PLA2G5: variants seen among roughly 807,000 people sequenced by gnomAD.
The protein encoded by PLA2G5 is phospholipase A2 group V.
PLA2G5 carries 12 observed loss-of-function variants against 15.9 expected under a neutral mutation model. That is an observed-to-expected ratio of 0.76 (90% CI 0.48 to 1.23). The LOEUF is 1.23. Ranked by LOEUF, PLA2G5 falls within the 50% of genes most tolerant of loss-of-function variation. PLA2G5 has a pLI of 0.00. For synonymous variants in PLA2G5, 71 were observed against 71.4 expected, an observed-to-expected ratio of 0.99 and a Z score of 0.03; for missense variants, 169 against 177.1, an observed-to-expected ratio of 0.95 and a Z score of 0.26.
chr1:20,084,409 AT>A (rs1224540653), intron 1 of PLA2G5, among the ~76,000 whole-genome samples: 1 of 152,016 alleles, frequency 6.6e-6, no homozygotes, highest in Non-Finnish European at 1.5e-5. Context: ...CTGTCCAGGA[AT>A]TTTTTTCTTC....
At chr1:20,054,635 C>T (rs2014346854) in intron 1 of PLA2G5, among the ~76,000 whole-genome samples, 1 of 151,840 alleles carries the variant, frequency 6.6e-6, no homozygotes, top group African/African-American at 2.4e-5. Context: ...GGGGTCTAAG[C>T]CCCTCTTTCA....
intron 2 of PLA2G5, 86 bp downstream of exon 2, chr1:20,084,956 G>A (rs1157557084): frequency 1.2e-5 from 11 of 933,704 alleles, no homozygotes; most frequent in East Asian, 4.8e-5. Context: ...CATTGAGGTC[G>A]TAGAGACTTG....
At chr1:20,079,231 C>T (rs766487467) in intron 1 of PLA2G5, among the ~76,000 whole-genome samples, 6 of 151,996 alleles carry the variant, frequency 3.9e-5, no homozygotes, top group Non-Finnish European at 7.4e-5. Context: ...TACTTATGTC[C>T]TGTGAGAACA....
At chr1:20,045,847 G>A (rs1347421884) in intron 1 of PLA2G5, among the ~76,000 whole-genome samples, 1 of 152,170 alleles carries the variant, frequency 6.6e-6, no homozygotes, top group Non-Finnish European at 1.5e-5. Context: ...CTCACACAAA[G>A]CCTGTCTGAT....
chr1:20,076,201 T>C (rs1406788976), intron 1 of PLA2G5, among the ~76,000 whole-genome samples: 1 of 152,172 alleles, frequency 6.6e-6, no homozygotes, highest in Non-Finnish European at 1.5e-5. Context: ...TAGGATCTCT[T>C]AGCATTTATA....
intron 1 of PLA2G5, chr1:20,071,009 C>T (rs926402667): frequency 3.9e-5 from 6 of 152,362 alleles, no homozygotes; most frequent in Admixed American, 6.5e-5. Flanking sequence ...CTCTCTCTCT[C>T]GCTTCCCTCT....
In PLA2G5 at chr1:20,041,463, C is replaced by T. The variant is rs12024133; in HGVS notation, n.276+12754C>T. On this transcript the variant is annotated intron_variant and non_coding_transcript_variant, in intron 1 of 6. Coordinates refer to the PLA2G5 transcript ENST00000460175. ...TATTTTAAGTATTTTAGTTTCCTGA[C>T]TGTGGGCATGTGAGTAAAGTCAATT... is the stretch of plus-strand genomic sequence containing the variant. Among the ~76,000 whole-genome samples the T allele has an allele frequency of 0.021, 3,188 of 152,242 alleles. 259 individuals are homozygous for T. The East Asian group carries it at 0.25, about 12-fold the overall frequency.
intron 3 of PLA2G5, 63 bp downstream of exon 3, chr1:20,086,290 A>G (rs922909234): frequency 5.9e-5 from 90 of 1,523,602 alleles, no homozygotes; most frequent in Non-Finnish European, 7.6e-5. Flanking sequence ...TTCTTATTCA[A>G]TTCCATATCA....
At chr1:20,069,221 G>T (rs573132663), upstream of PLA2G5, among the ~76,000 whole-genome samples, 1 of 152,284 alleles carries the variant, frequency 6.6e-6, no homozygotes, top group South Asian at 2.1e-4. Context: ...GACTGGTAAC[G>T]TTGAAAATGT....
rs745908530 is a variant in PLA2G5, at chr1:20,090,664, A to T, written c.389A>T (p.Gln130Leu). 31 of 1,613,898 alleles carry T rather than the reference A, an allele frequency of 1.9e-5. No homozygotes were observed. Among genetic ancestry groups the T allele is most frequent in the Non-Finnish European group, 2.4e-5 (28 of 1,179,948 alleles). ...RNLRSYNPQYQYFPNILCS is the reference protein window; with the variant it reads ...RNLRSYNPQYLYFPNILCS The stretch of plus-strand genomic sequence containing the variant: ...CTACGGAGCTACAACCCACAGTACC[A>T]ATACTTTCCCAACATCCTCTGCTCC... The change falls in exon 5 of 5, where the codon CAA (glutamine) becomes CTA (leucine). Residue 130 changes from glutamine (Q) to leucine (L), a missense_variant. Gln to Leu is a moderately radical substitution (Grantham distance 113, BLOSUM62 -2). Transcript: ENST00000375108.
At chr1:20,055,132 A>G (rs1408538794) in intron 1 of PLA2G5, among the ~76,000 whole-genome samples, 5 of 152,218 alleles carry the variant, frequency 3.3e-5, no homozygotes, top group Admixed American at 2.6e-4. Context: ...GAGCAAAACA[A>G]AAACAGTCCC....
At chr1:20,036,609 A>G (rs1028915485) in intron 1 of PLA2G5, among the ~76,000 whole-genome samples, 2 of 151,840 alleles carry the variant, frequency 1.3e-5, no homozygotes, top group South Asian at 4.2e-4. Flanking sequence ...TTTTTTATTT[A>G]TGCTTTCTAT....
At chr1:20,071,504 G>C (rs1420453080) in intron 1 of PLA2G5, among the ~76,000 whole-genome samples, 1 of 152,196 alleles carries the variant, frequency 6.6e-6, no homozygotes. Context: ...TCACAGCCTG[G>C]TGGGAGAGAC....
At chr1:20,077,579 TA>T (rs1240212817) in intron 1 of PLA2G5, among the ~76,000 whole-genome samples, 1 of 152,154 alleles carries the variant, frequency 6.6e-6, no homozygotes, top group Admixed American at 6.5e-5. Context: ...ATAATCACAA[TA>T]TTTATGGTAG....
intron 1 of PLA2G5, among the ~76,000 whole-genome samples, chr1:20,051,694 G>A (rs1474798394): frequency 6.6e-6 from 1 of 152,158 alleles, no homozygotes; most frequent in Non-Finnish European, 1.5e-5. Flanking sequence ...TTTTGCCAAG[G>A]CTTTGACTGG....
At position 20,077,817 on chromosome 1, in the gene PLA2G5, G is replaced by T. The variant is rs202137106; in HGVS notation, c.-10-7004G>T. On this transcript the variant is annotated intron_variant, in intron 1 of 4. Coordinates refer to ENST00000375108, the MANE Select transcript of PLA2G5 (RefSeq NM_000929.3). ...CACGTCTCTCCTACGTTGGATCTTG[G>T]ATCTGACATTGTGCTTTCTCCTGGT... Among the ~76,000 whole-genome samples the T allele has an allele frequency of 1.2e-4, 19 of 152,276 alleles. No individual in the cohort carries two copies. In the East Asian group the frequency reaches 3.7e-3, roughly 29 times the overall value.
chr1:20,059,768 G>A (rs2014615423), intron 2 of PLA2G5: 1 of 152,222 alleles, frequency 6.6e-6, no homozygotes, highest in South Asian at 2.1e-4. Context: ...TTGAGTGAGT[G>A]GGAAAAGAGG....
At chr1:20,048,964 A>AGTTGTGTTCTTTTTAAAAAT (rs1377573576) in intron 1 of PLA2G5, among the ~76,000 whole-genome samples, 1 of 152,218 alleles carries the variant, frequency 6.6e-6, no homozygotes, top group Non-Finnish European at 1.5e-5. Flanking sequence ...TTTCTAAAAA[A>AGTTGTGTTCTTTTTAAAAAT]GTTGTGTTCT....
chr1:20,066,594 C>T (rs2015044620), upstream of PLA2G5, among the ~76,000 whole-genome samples: 1 of 152,206 alleles, frequency 6.6e-6, no homozygotes, highest in African/African-American at 2.4e-5. Context: ...CTCCTATGAA[C>T]TTTCTATTGA....
Sources: allele counts gnomAD v4.1 joint callset (sites outside exome capture counted in the v4.1 genomes callset), GRCh38; gene constraint gnomAD v4.1.1; transcripts MANE v1.5; gene names NCBI Gene and HGNC (gene_info 2026-07-23, HGNC 2026-07-21).